The following OR6P1 variants were observed in gnomAD, a reference collection of about 807,000 sequenced individuals.
OR6P1 encodes olfactory receptor 6P1.
OR6P1 carries 5 observed loss-of-function variants against 6.6 expected under a neutral mutation model. That is an observed-to-expected ratio of 0.76 (90% confidence interval 0.40 to 1.60). OR6P1 has a LOEUF of 1.60. OR6P1 is among the 40% of genes most tolerant of loss of function. OR6P1 has a pLI of 0.02. For missense variants in OR6P1, 451 were observed against 383.0 expected, an observed-to-expected ratio of 1.18 and a Z score of -1.48; for synonymous variants, 177 against 149.6, an observed-to-expected ratio of 1.18 and a Z score of -1.33.
At position 158,562,900 on chromosome 1, in the gene OR6P1, G is replaced by A. The variant is rs369027261; in HGVS notation, c.705C>T (p.His235=). The A allele has an allele frequency of 1.0e-4, 156 of 1,551,872 alleles. 1 individual carries two copies. The highest frequency in any genetic ancestry group is 1.0e-4 in the Non-Finnish European group (115 of 1,147,072). Residue 235 remains histidine (H), a synonymous_variant, in exon 3 of 3, where the codon CAC becomes CAT. Coordinates refer to ENST00000641540, the MANE Select transcript of OR6P1 (RefSeq NM_001160325.2). ...GAGCGGCACAAGTGGAAAAGGCTTT[G>A]TGGCGTCCCCTGGACGTAGGGATCC... ...ILRIPTSRGR[H]KAFSTCAAHL...
chr1:158,565,316 A>G (rs1316756222), intron 2 of OR6P1, among the ~76,000 whole-genome samples: 4 of 152,200 alleles, frequency 2.6e-5, no homozygotes, highest in Non-Finnish European at 5.9e-5. Context: ...ATGAAATCTA[A>G]ATATCAGTGC....
In OR6P1 at chr1:158,562,886, G is replaced by T; in HGVS notation, c.719C>A (p.Thr240Asn). 1 of 1,552,026 alleles carries T rather than the reference G, an allele frequency of 6.4e-7. No individual in the cohort carries two copies. Among genetic ancestry groups the T allele is most frequent in the Non-Finnish European group, 8.7e-7 (1 of 1,147,066 alleles). ...TSRGRHKAFS[T>N]CAAHLAVVVI... ...AACCACTGCCAGATGAGCGGCACAAGTGGAAAAGGCTTTGTGGCGTCCCCT... is the reference window on the plus strand; with the variant it reads ...AACCACTGCCAGATGAGCGGCACAATTGGAAAAGGCTTTGTGGCGTCCCCT... The change falls in exon 3 of 3, where the codon ACT becomes AAT. Residue 240 changes from threonine (T) to asparagine (N), a missense_variant. Coordinates refer to ENST00000641540, the MANE Select transcript of OR6P1 (RefSeq NM_001160325.2).
intron 1 of OR6P1, among the ~76,000 whole-genome samples, chr1:158,569,528 A>G (rs1557901720): frequency 6.6e-6 from 1 of 152,186 alleles, no homozygotes; most frequent in African/African-American, 2.4e-5. Context: ...ATCTTAATGC[A>G]CCTACCAAAA....
chr1:158,569,181 T>A (rs1305962239), intron 1 of OR6P1, among the ~76,000 whole-genome samples: 3 of 152,194 alleles, frequency 2.0e-5, no homozygotes, highest in African/African-American at 4.8e-5. Flanking sequence ...GCCCATAATA[T>A]GAAACAACTT....
chr1:158,570,098 C>T (rs1208776794), intron 1 of OR6P1, among the ~76,000 whole-genome samples: 1 of 152,182 alleles, frequency 6.6e-6, no homozygotes, highest in Non-Finnish European at 1.5e-5. Flanking sequence ...TGGCTTCTGC[C>T]TCTCTTATCA....
In OR6P1 at chr1:158,563,016, G is replaced by T. The variant is rs1310448884; in HGVS notation, c.589C>A (p.Leu197Ile). 1 of 1,551,738 alleles carries T rather than the reference G, an allele frequency of 6.4e-7. No individual in the cohort carries two copies. The highest frequency in any genetic ancestry group is 8.7e-7 in the Non-Finnish European group (1 of 1,146,972). The change falls in exon 3 of 3, where the codon CTA becomes ATA. Residue 197 changes from leucine (L) to isoleucine (I), a missense_variant. Physicochemically the swap from Leu to Ile is conservative, Grantham distance 5. Transcript: ENST00000641540. Reference sequence around the variant, plus strand: ...ACCAGGGCCAGAAGGAAGTCTACTAGCTCTGCTTGCTCCTTGTCAGAGCAG... The same window carrying T: ...ACCAGGGCCAGAAGGAAGTCTACTATCTCTGCTTGCTCCTTGTCAGAGCAG... The part of the protein sequence containing the change: ...LTCSDKEQAE[L>I]VDFLLALVMI...
Position 158,563,036 on chromosome 1 carries a change from G to A in OR6P1, c.569C>T (p.Ser190Phe). Residue 190 changes from serine (S) to phenylalanine (F), a missense_variant, in exon 3 of 3, where the codon TCT becomes TTT. Physicochemically the swap from Ser to Phe is radical, Grantham distance 155. Coordinates refer to ENST00000641540, the MANE Select transcript of OR6P1 (RefSeq NM_001160325.2). Reference protein sequence around the residue: ...DISPLLNLTCSDKEQAELVDF... With the variant: ...DISPLLNLTCFDKEQAELVDF... ...TACTAGCTCTGCTTGCTCCTTGTCA[G>A]AGCAGGTGAGGTTGAGTAGTGGGGA... 1 of 1,551,762 alleles carries A rather than the reference G, an allele frequency of 6.4e-7. No individual in the cohort carries two copies. Among genetic ancestry groups the A allele is most frequent in the South Asian group, 1.2e-5 (1 of 84,054 alleles).
At chr1:158,568,000 A>G (rs952261011) in intron 1 of OR6P1, among the ~76,000 whole-genome samples, 1 of 151,808 alleles carries the variant, frequency 6.6e-6, no homozygotes, top group South Asian at 2.1e-4. Context: ...CCCCTCAGTC[A>G]TATTATGACA....
Position 158,563,206 on chromosome 1 carries a change from AG to A in OR6P1, c.398del (p.Pro133LeufsTer25). 6.4e-7 allele frequency: 1 copy of A among 1,551,394 alleles called. No individual in the cohort carries two copies. The highest frequency in any genetic ancestry group is 8.7e-7 in the Non-Finnish European group (1 of 1,146,910). ...TGGCCAGACTGGAAGGCATGAGACT[AG>A]GGTAAAGGAGGGGTCCACAGATGGC... is the stretch of plus-strand genomic sequence containing the variant. ...YLAICGPLLYPSLMPSSLATR... is the reference protein window; with the variant it reads ...YLAICGPLLYXSLMPSSLATR... On this transcript the variant is annotated frameshift_variant, in exon 3 of 3. Transcript: ENST00000641540. LOFTEE classifies it high-confidence loss of function.
intron 2 of OR6P1, among the ~76,000 whole-genome samples, chr1:158,565,286 T>G (rs1342747366): frequency 6.6e-6 from 1 of 152,182 alleles, no homozygotes; most frequent in Non-Finnish European, 1.5e-5. Context: ...ATTACTTCTT[T>G]ATGTATTCAA....
chr1:158,566,906 C>T (rs1648109997), intron 1 of OR6P1, 48 bp from the exon 2 acceptor site: 1 of 151,880 alleles, frequency 6.6e-6, no homozygotes, highest in Admixed American at 6.6e-5. Context: ...TGACAAAGGG[C>T]TAATATCCAG....
chr1:158,568,223 A>T (rs1648147897), intron 1 of OR6P1, among the ~76,000 whole-genome samples: 1 of 152,138 alleles, frequency 6.6e-6, no homozygotes, highest in Non-Finnish European at 1.5e-5. Context: ...TCTGAATCAT[A>T]GTACTCAGAT....
intron 1 of OR6P1, among the ~76,000 whole-genome samples, chr1:158,567,578 G>T (rs863350): frequency 7.1e-6 from 1 of 139,888 alleles, no homozygotes. Flanking sequence ...CTCACTCATA[G>T]GTGGGAATTG....
chr1:158,562,814 G>GC lies in OR6P1; in HGVS notation c.790dup (p.Ala264GlyfsTer50). Reference sequence around the variant, plus strand: ...CTTGTTGTGGTTGAAGGTGTACATGGCCCGGGGCCGTGCATAGGTGAAGAG... The same window carrying GC: ...CTTGTTGTGGTTGAAGGTGTACATGGCCCCGGGGCCGTGCATAGGTGAAGAG... On this transcript the variant is annotated frameshift_variant, in exon 3 of 3. Transcript: ENST00000641540. LOFTEE classifies it high-confidence loss of function. 1 of 1,552,144 alleles carries GC rather than the reference G, an allele frequency of 6.4e-7. No individual in the cohort carries two copies. Among genetic ancestry groups the GC allele is most frequent in the African/African-American group, 1.4e-5 (1 of 73,154 alleles).
intron 1 of OR6P1, among the ~76,000 whole-genome samples, chr1:158,568,729 T>C (rs1648159309): frequency 6.6e-6 from 1 of 152,202 alleles, no homozygotes; most frequent in Non-Finnish European, 1.5e-5. Flanking sequence ...CACCACTCTG[T>C]TATTTTACCT....
At chr1:158,569,304 G>C (rs1199786036) in intron 1 of OR6P1, among the ~76,000 whole-genome samples, 1 of 152,146 alleles carries the variant, frequency 6.6e-6, no homozygotes, top group Non-Finnish European at 1.5e-5. Context: ...CTGGATTCCT[G>C]TTTAACCTCT....
In OR6P1 at chr1:158,561,205, C is replaced by A. The variant is rs757146985; in HGVS notation, c.*1446G>T. 1 of 152,032 alleles carries A rather than the reference C, an allele frequency of 6.6e-6. No individual in the cohort carries two copies. Among genetic ancestry groups the A allele is most frequent in the South Asian group, 2.1e-4 (1 of 4,812 alleles). The allele number at this position is 152,032 out of a possible 1,614,324, so 9.4% of individuals were successfully genotyped here. A position where few individuals can be genotyped will look rare whatever the true frequency, so the allele number is the denominator to read the frequency against. On this transcript the variant is annotated 3_prime_UTR_variant, in exon 3 of 3. Transcript: ENST00000641540. ...AGCCAGGATCAAATTGAAATTTGCT[C>A]GTTCTAGGGTCTGAATTCTGAACTC...
At chr1:158,568,670 T>G (rs1648158122) in intron 1 of OR6P1, among the ~76,000 whole-genome samples, 1 of 152,192 alleles carries the variant, frequency 6.6e-6, no homozygotes, top group African/African-American at 2.4e-5. Context: ...TTACTCCTGT[T>G]TTCCATTCCT....
intron 1 of OR6P1, among the ~76,000 whole-genome samples, chr1:158,569,399 A>T (rs968545404): frequency 2.6e-5 from 4 of 152,236 alleles, no homozygotes; most frequent in African/African-American, 9.6e-5. Context: ...ACAAGCCTTC[A>T]TCTGGAGACA....
Sources: allele counts gnomAD v4.1 joint callset (sites outside exome capture counted in the v4.1 genomes callset), GRCh38; gene constraint gnomAD v4.1.1; transcripts MANE v1.5; gene names NCBI Gene and HGNC (gene_info 2026-07-23, HGNC 2026-07-21).